The following LRP1B variants were observed in gnomAD, a reference collection of about 807,000 sequenced individuals.
LRP1B encodes the protein LDL receptor related protein 1B.
In LRP1B, 217 loss-of-function variants were observed where a neutral mutation model predicts 556.6. That is an observed-to-expected ratio of 0.39 (90% CI 0.35 to 0.44). The LOEUF is 0.44. LRP1B is among the 20% of genes least tolerant of loss of function. The pLI is 1.00. For synonymous variants in LRP1B, 2,047 were observed against 1,865.8 expected (o/e 1.10, Z -2.50); for missense variants, 5,053 against 5,620.8 (o/e 0.90, Z 3.23).
chr2:141,349,417 G>C (rs918815130), intron 3 of LRP1B, among the ~76,000 whole-genome samples: 2 of 151,978 alleles, frequency 1.3e-5, no homozygotes, highest in Admixed American at 6.6e-5. Context: ...TCAATACGAA[G>C]GACCAGTTTT....
intron 1 of LRP1B, among the ~76,000 whole-genome samples, chr2:141,879,787 T>G (rs2104891330): frequency 6.6e-6 from 1 of 152,146 alleles, no homozygotes; most frequent in South Asian, 2.1e-4. Flanking sequence ...GAACGTCTCA[T>G]AATTATAATT....
chr2:140,973,428 G>A (rs151329087), intron 18 of LRP1B, among the ~76,000 whole-genome samples: 22 of 152,030 alleles, frequency 1.4e-4, no homozygotes, highest in African/African-American at 4.8e-4. Context: ...GAGGATGGGG[G>A]GGTAGAGAGG....
chr2:140,591,037 T>G (rs1682202916), intron 43 of LRP1B, among the ~76,000 whole-genome samples: 1 of 152,220 alleles, frequency 6.6e-6, no homozygotes, highest in South Asian at 2.1e-4. Flanking sequence ...TAGAAAGTTA[T>G]AAAGATCATT....
chr2:140,970,023 C>T (rs1696364103), intron 18 of LRP1B, among the ~76,000 whole-genome samples: 1 of 152,070 alleles, frequency 6.6e-6, no homozygotes, highest in African/African-American at 2.4e-5. Context: ...TTCTCAAGGA[C>T]CATCTTTGGG....
chr2:140,985,098 G>C (rs2105347176), intron 17 of LRP1B, among the ~76,000 whole-genome samples: 2 of 152,092 alleles, frequency 1.3e-5, no homozygotes, highest in African/African-American at 4.8e-5. Context: ...CCTCCTTCAA[G>C]AGAATTGTTT....
At chr2:140,311,775 A>C (rs767627325) in intron 83 of LRP1B, among the ~76,000 whole-genome samples, 136 of 152,080 alleles carry the variant, frequency 8.9e-4, no homozygotes, top group Non-Finnish European at 1.8e-3. Flanking sequence ...GCAAAGATTG[A>C]TTTAAATATC....
At chr2:141,826,833 TAG>T (rs1416871674) in intron 1 of LRP1B, among the ~76,000 whole-genome samples, 14 of 152,194 alleles carry the variant, frequency 9.2e-5, no homozygotes, top group African/African-American at 3.1e-4. Flanking sequence ...CCTCCAAATA[TAG>T]AGTCAAAATT....
intron 6 of LRP1B, among the ~76,000 whole-genome samples, chr2:141,218,876 A>G (rs1682925461): frequency 6.6e-6 from 1 of 152,142 alleles, no homozygotes; most frequent in African/African-American, 2.4e-5. Context: ...ATCCTGCTCT[A>G]TCAACTGAGG....
chr2:140,804,230 G>T (rs933565967), intron 32 of LRP1B, among the ~76,000 whole-genome samples: 1 of 152,044 alleles, frequency 6.6e-6, no homozygotes, highest in Non-Finnish European at 1.5e-5. Context: ...TTTCAAATCA[G>T]ATTTCAGTGT....
chr2:140,991,682 G>A (rs957568436), intron 16 of LRP1B, among the ~76,000 whole-genome samples: 4 of 152,072 alleles, frequency 2.6e-5, no homozygotes, highest in African/African-American at 4.8e-5. Context: ...CTGTAATAAA[G>A]AATTGTACAG....
At chr2:140,316,785 A>G (rs939558604) in intron 82 of LRP1B, among the ~76,000 whole-genome samples, 26 of 152,186 alleles carry the variant, frequency 1.7e-4, no homozygotes, top group Non-Finnish European at 3.7e-4. Context: ...TATTAAGTAC[A>G]TAAGTGTTAA....
At chr2:140,756,425 T>G (rs1371557092) in intron 35 of LRP1B, among the ~76,000 whole-genome samples, 1 of 152,010 alleles carries the variant, frequency 6.6e-6, no homozygotes, top group African/African-American at 2.4e-5. Context: ...CTTCCAATGT[T>G]AAAGCTGAAT....
At chr2:140,630,167 T>C (rs1216180730) in intron 41 of LRP1B, among the ~76,000 whole-genome samples, 1 of 152,174 alleles carries the variant, frequency 6.6e-6, no homozygotes, top group Non-Finnish European at 1.5e-5. Flanking sequence ...ACCCCAGACC[T>C]ACTTAATTAG....
chr2:140,937,720 G>T (rs1396619326), intron 20 of LRP1B, among the ~76,000 whole-genome samples: 1 of 152,022 alleles, frequency 6.6e-6, no homozygotes, highest in African/African-American at 2.4e-5. Context: ...TTTTCTATGT[G>T]ATAAGGATTC....
chr2:141,779,875 A>T (rs1439002079), intron 2 of LRP1B, among the ~76,000 whole-genome samples: 1 of 151,732 alleles, frequency 6.6e-6, no homozygotes, highest in African/African-American at 2.4e-5. Context: ...CATTGCTACC[A>T]CTTGTTACAG....
At chr2:140,921,691 T>A (rs1163974401) in intron 21 of LRP1B, among the ~76,000 whole-genome samples, 5 of 152,020 alleles carry the variant, frequency 3.3e-5, no homozygotes, top group African/African-American at 9.7e-5. Context: ...AAAAATATTG[T>A]TGGAAAAAAA....
At chr2:141,836,543 C>T (rs1356794707) in intron 1 of LRP1B, among the ~76,000 whole-genome samples, 3 of 151,914 alleles carry the variant, frequency 2.0e-5, no homozygotes, top group African/African-American at 4.8e-5. Context: ...AGAGCATCAC[C>T]GGCAAATATT....
chr2:141,204,947 AAAG>A (rs934118988), intron 6 of LRP1B, among the ~76,000 whole-genome samples: 11 of 152,158 alleles, frequency 7.2e-5, no homozygotes, highest in African/African-American at 2.7e-4. Context: ...AGATAAAAAA[AAAG>A]GAAAAAGAAA....
intron 17 of LRP1B, among the ~76,000 whole-genome samples, chr2:140,986,803 G>A (rs1696940457): frequency 6.6e-6 from 1 of 152,092 alleles, no homozygotes; most frequent in South Asian, 2.1e-4. Context: ...CAGTGCTTTG[G>A]TAGATATTTA....
Sources: allele counts gnomAD v4.1 joint callset (sites outside exome capture counted in the v4.1 genomes callset), GRCh38; gene constraint gnomAD v4.1.1; transcripts MANE v1.5; gene names NCBI Gene and HGNC (gene_info 2026-07-23, HGNC 2026-07-21).